TACC2: variants seen among roughly 807,000 people sequenced by gnomAD.
The protein encoded by TACC2 is transforming acidic coiled-coil containing protein 2.
Under a neutral mutation model 227.3 loss-of-function variants are expected in TACC2, and 137 were observed. That is an observed-to-expected ratio of 0.60 (90% CI 0.52 to 0.69). The LOEUF is 0.69. Ranked by LOEUF, TACC2 falls within the 30% of genes least tolerant of loss-of-function variation. TACC2 has a pLI of 0.00. For missense variants in TACC2, 3,470 were observed against 3,694.4 expected (o/e 0.94, Z 1.57); for synonymous variants, 1,523 against 1,487.5 (o/e 1.02, Z -0.55).
intron 8 of TACC2, among the ~76,000 whole-genome samples, chr10:122,207,284 A>G (rs1173327242): frequency 4.6e-5 from 7 of 151,246 alleles, no homozygotes; most frequent in Admixed American, 2.6e-4. Context: ...GGGTGATGGA[A>G]TGGGACTATT....
chr10:122,117,971 C>G (rs1055492500), intron 5 of TACC2, among the ~76,000 whole-genome samples: 2 of 151,984 alleles, frequency 1.3e-5, no homozygotes, highest in African/African-American at 4.8e-5. Flanking sequence ...CTGCTTCACA[C>G]AGAACAGGAA....
At position 122,141,399 on chromosome 10, in the gene TACC2, G is replaced by A. The variant is rs184853051; in HGVS notation, c.5700-2173G>A. On this transcript the variant is annotated intron_variant, in intron 6 of 22. Coordinates refer to ENST00000369005, the MANE Select transcript of TACC2 (RefSeq NM_206862.4). This position sits in a 1 kb window ranked among gnomAD's most constrained non-coding sequence, Gnocchi z 4.3. ...CACTTGTTTGATGCCTTTGGCTAAC[G>A]GGACCCAGCCAGCGCAGGAAGGGTG... Among the ~76,000 whole-genome samples, 27 of 152,262 alleles carry A rather than the reference G, an allele frequency of 1.8e-4. No homozygotes were observed. The East Asian group carries it at 5.0e-3, about 28-fold the overall frequency.
At position 122,083,301 on chromosome 10, in the gene TACC2, G is replaced by A. The variant is rs768595912; in HGVS notation, c.801G>A (p.Glu267=). 1 of 1,613,988 alleles carries A rather than the reference G, an allele frequency of 6.2e-7. No homozygotes were observed. Among genetic ancestry groups the A allele is most frequent in the Non-Finnish European group, 8.5e-7 (1 of 1,180,032 alleles). Residue 267 remains glutamate (E), a synonymous_variant, in exon 4 of 23, where the codon GAG becomes GAA. Coordinates refer to ENST00000369005, the MANE Select transcript of TACC2 (RefSeq NM_206862.4). ...QQGTESSAVL[E]KSPLKPMAPI... ...GCACAGAAAGCTCAGCGGTCTTGGA[G>A]AAGTCCCCCCTAAAACCCATGGCCC... is the stretch of plus-strand genomic sequence containing the variant.
intron 7 of TACC2, among the ~76,000 whole-genome samples, chr10:122,154,215 C>G (rs2092308575): frequency 6.6e-6 from 1 of 152,230 alleles, no homozygotes; most frequent in Non-Finnish European, 1.5e-5. Flanking sequence ...TTCCAAGGGC[C>G]TGATGCCGGG....
intron 5 of TACC2, among the ~76,000 whole-genome samples, chr10:122,113,540 T>G (rs922945322): frequency 2.6e-5 from 4 of 151,966 alleles, no homozygotes; most frequent in African/African-American, 4.8e-5. Context: ...CGCTCGCGGT[T>G]GGGGTCCCCG....
chr10:122,016,282 A>T (rs1410180706), intron 1 of TACC2, among the ~76,000 whole-genome samples: 2 of 151,148 alleles, frequency 1.3e-5, no homozygotes, highest in South Asian at 2.1e-4. Context: ...GGAAAAAAAA[A>T]AAAAAGCCAG....
At chr10:122,035,888 C>T (rs1960154278) in intron 2 of TACC2, among the ~76,000 whole-genome samples, 1 of 152,088 alleles carries the variant, frequency 6.6e-6, no homozygotes, top group Non-Finnish European at 1.5e-5. Context: ...TCATAGTTCA[C>T]TGCAACCTTG....
At chr10:122,207,420 A>G (rs2095153711) in intron 8 of TACC2, among the ~76,000 whole-genome samples, 1 of 152,172 alleles carries the variant, frequency 6.6e-6, no homozygotes, top group African/African-American at 2.4e-5. Context: ...ACAATAAGAC[A>G]GCCGTTCCCA....
chr10:122,216,908 A>G, intron 11 of TACC2, 80 bp downstream of exon 11: 1 of 1,610,712 alleles, frequency 6.2e-7, no homozygotes, highest in South Asian at 1.1e-5. Context: ...CCAGGAGAGA[A>G]ACTTCTCAGC....
chr10:122,231,586 C>T (rs2057378), intron 16 of TACC2, among the ~76,000 whole-genome samples: 49,148 of 152,076 alleles, frequency 0.32, 8,405 homozygotes, highest in East Asian at 0.52. Context: ...CATCTCTCCT[C>T]GGTGGGTGGA....
chr10:122,122,218 G>T (rs1178937487), intron 5 of TACC2, among the ~76,000 whole-genome samples: 8 of 152,116 alleles, frequency 5.3e-5, no homozygotes, highest in African/African-American at 1.7e-4. Context: ...AGCCGGGTGT[G>T]GTGGTGGGCA....
intron 5 of TACC2, among the ~76,000 whole-genome samples, chr10:122,103,699 T>G (rs1391537215): frequency 6.6e-6 from 1 of 152,166 alleles, no homozygotes; most frequent in Non-Finnish European, 1.5e-5. Flanking sequence ...CCTGAGATAC[T>G]GTCCTGTGGG....
rs143591633 is a variant in TACC2 at position 122,162,660 on chromosome 10, G to C, written c.5834+18954G>C. ...GAGGCTCAGGATCTCAAGTCTTGAG[G>C]GTTTCTGAGCCTGCCATAGGCCAGG... On this transcript the variant is annotated intron_variant, in intron 7 of 22. Coordinates refer to ENST00000369005, the MANE Select transcript of TACC2 (RefSeq NM_206862.4). 5.5e-3 allele frequency among the ~76,000 whole-genome samples: 835 copies of C among 152,314 alleles called. 14 individuals carry two copies. The highest frequency in any genetic ancestry group is 0.019 in the African/African-American group (789 of 41,572).
intron 5 of TACC2, among the ~76,000 whole-genome samples, chr10:122,114,742 T>C (rs529643778): frequency 2.0e-5 from 3 of 152,354 alleles, no homozygotes; most frequent in African/African-American, 7.2e-5. Flanking sequence ...TATGACCTGC[T>C]TGTATTATAG....
chr10:122,069,331 T>A (rs2077765884), intron 3 of TACC2, among the ~76,000 whole-genome samples: 1 of 151,982 alleles, frequency 6.6e-6, no homozygotes, highest in Non-Finnish European at 1.5e-5. Context: ...AATCTTCACC[T>A]CCCAGATTCA....
intron 7 of TACC2, among the ~76,000 whole-genome samples, chr10:122,155,833 A>ATTTTTT (rs66559186): frequency 3.4e-5 from 4 of 118,298 alleles, no homozygotes; most frequent in Non-Finnish European, 6.6e-5. Context: ...TAGTGGGAAA[A>ATTTTTT]TTTTTTTTTT....
chr10:122,153,962 A>G lies in TACC2; in HGVS notation c.5834+10256A>G, dbSNP rs138779172. Among the ~76,000 whole-genome samples the G allele has an allele frequency of 3.4e-3, 514 of 152,298 alleles. 2 individuals are homozygous for G. The highest frequency in any genetic ancestry group is 0.012 in the African/African-American group (489 of 41,568). On this transcript the variant is annotated intron_variant, in intron 7 of 22. Coordinates refer to ENST00000369005, the MANE Select transcript of TACC2 (RefSeq NM_206862.4). The stretch of plus-strand genomic sequence containing the variant: ...GGGCCCCCAATCACAAAAATAAACA[A>G]GATCTGCCACTAGGGAGATTGTTGA...
At position 122,122,462 on chromosome 10, in the gene TACC2, G is replaced by C. The variant is rs1179522899; in HGVS notation, c.5574-10147G>C. 1.5e-4 allele frequency among the ~76,000 whole-genome samples: 22 copies of C among 151,152 alleles called. 1 individual carries two copies. In the Admixed American group the frequency reaches 1.5e-3, roughly 10 times the overall value. ...GCTCTAAGATACCATACACATATAAGTAACTAAGTATTTTTTTAAAAATAA... is the reference window on the plus strand; with the variant it reads ...GCTCTAAGATACCATACACATATAACTAACTAAGTATTTTTTTAAAAATAA... On this transcript the variant is annotated intron_variant, in intron 5 of 22. Transcript: ENST00000369005.
chr10:122,046,257 G>A (rs1042225514), intron 2 of TACC2, among the ~76,000 whole-genome samples: 1 of 151,826 alleles, frequency 6.6e-6, no homozygotes, highest in Non-Finnish European at 1.5e-5. Flanking sequence ...GGTGGATCTC[G>A]AGGCCAGGAG....
Sources: allele counts gnomAD v4.1 joint callset (sites outside exome capture counted in the v4.1 genomes callset), GRCh38; gene constraint gnomAD v4.1.1; non-coding constraint Gnocchi (gnomAD v3.1); transcripts MANE v1.5; gene names NCBI Gene and HGNC (gene_info 2026-07-23, HGNC 2026-07-21).